ESRRG: variants seen among roughly 807,000 people sequenced by gnomAD.
The protein encoded by ESRRG is estrogen-related receptor gamma.
ESRRG carries 13 observed loss-of-function variants against 44.0 expected under a neutral mutation model. The observed-to-expected ratio is 0.30, with a 90% CI of 0.19 to 0.47. The LOEUF is 0.47. Among genes scored for constraint, ESRRG ranks in the 20% least tolerant of loss-of-function variants. ESRRG has a pLI of 1.00. For missense variants in ESRRG, 395 were observed against 580.6 expected, an observed-to-expected ratio of 0.68 and a Z score of 3.29; for synonymous variants, 215 against 214.6, an observed-to-expected ratio of 1.00 and a Z score of -0.02.
At chr1:216,718,991 C>T (rs1413555666) in intron 1 of ESRRG, among the ~76,000 whole-genome samples, 1 of 152,012 alleles carries the variant, frequency 6.6e-6, no homozygotes, top group Non-Finnish European at 1.5e-5. Context: ...AAGTATCTCT[C>T]ATCAGCATAT....
rs372688209 is a variant in ESRRG at position 216,619,537 on chromosome 1, G to T, written c.589+31436C>A. On this transcript the variant is annotated intron_variant, in intron 3 of 6. Transcript: ENST00000408911. ...TATGGCAGCCGTAAGAGCTTTCCAG[G>T]AAGGGCAGTATTTTTTTCTCTTCGA... Among the ~76,000 whole-genome samples the T allele has an allele frequency of 1.7e-4, 26 of 152,262 alleles. 1 individual carries two copies. The East Asian group carries it at 2.5e-3, about 15-fold the overall frequency.
At chr1:216,642,788 AGACT>A (rs948327992) in intron 3 of ESRRG, among the ~76,000 whole-genome samples, 1 of 152,182 alleles carries the variant, frequency 6.6e-6, no homozygotes, top group African/African-American at 2.4e-5. Flanking sequence ...TAATGATACT[AGACT>A]TGAGGAAAAA....
chr1:216,644,601 T>C (rs1271308880), intron 3 of ESRRG, among the ~76,000 whole-genome samples: 2 of 151,774 alleles, frequency 1.3e-5, no homozygotes, highest in African/African-American at 4.8e-5. Flanking sequence ...GTTAATTTTT[T>C]ACTTTTTATT....
intron 1 of ESRRG, among the ~76,000 whole-genome samples, chr1:217,082,761 T>C (rs116266358): frequency 0.017 from 2,548 of 152,220 alleles, 74 homozygotes; most frequent in African/African-American, 0.058. Flanking sequence ...ATAGCTTTTT[T>C]TCTATCTCCA....
chr1:216,561,362 A>G (rs1314373654), intron 5 of ESRRG, among the ~76,000 whole-genome samples: 1 of 152,180 alleles, frequency 6.6e-6, no homozygotes. Context: ...AGTGTATTAA[A>G]AAATGACTTC....
intron 2 of ESRRG, among the ~76,000 whole-genome samples, chr1:216,655,043 A>G (rs1016595534): frequency 7.2e-5 from 11 of 152,142 alleles, no homozygotes; most frequent in African/African-American, 2.7e-4. Context: ...AAATAATGAT[A>G]TGAGAGTTTT....
At chr1:216,617,277 G>A (rs2061546277) in intron 3 of ESRRG, among the ~76,000 whole-genome samples, 1 of 152,018 alleles carries the variant, frequency 6.6e-6, no homozygotes, top group Non-Finnish European at 1.5e-5. Flanking sequence ...AAAGAATCGT[G>A]GCTGAAGGTT....
chr1:217,137,409 G>A (rs1001924981), intron 1 of ESRRG, among the ~76,000 whole-genome samples: 3 of 152,188 alleles, frequency 2.0e-5, no homozygotes, highest in Non-Finnish European at 4.4e-5. Context: ...CTCCCCCTGC[G>A]GGGTGTGCCC....
chr1:216,902,856 T>C (rs954873822), intron 2 of ESRRG, among the ~76,000 whole-genome samples: 6 of 152,128 alleles, frequency 3.9e-5, no homozygotes, highest in African/African-American at 1.4e-4. Flanking sequence ...TTAGTGGCAG[T>C]TCTTTACTGT....
intron 2 of ESRRG, among the ~76,000 whole-genome samples, chr1:216,846,449 C>T (rs2148929971): frequency 6.6e-6 from 1 of 152,204 alleles, no homozygotes; most frequent in East Asian, 1.9e-4. Context: ...GCCATATGGT[C>T]TCTGTTTCAA....
At chr1:216,698,557 C>T (rs974837924) in intron 1 of ESRRG, among the ~76,000 whole-genome samples, 3 of 151,372 alleles carry the variant, frequency 2.0e-5, no homozygotes, top group Non-Finnish European at 4.4e-5. Flanking sequence ...AAGTTTCCTC[C>T]TGGAGCACAT....
intron 3 of ESRRG, among the ~76,000 whole-genome samples, chr1:216,645,148 C>T (rs2067260889): frequency 1.3e-5 from 2 of 152,090 alleles, no homozygotes; most frequent in Admixed American, 6.6e-5. Flanking sequence ...CTATTAATTG[C>T]TCTACTGTGC....
chr1:216,802,199 G>A (rs936139423), intron 2 of ESRRG, among the ~76,000 whole-genome samples: 11 of 152,086 alleles, frequency 7.2e-5, no homozygotes, highest in Admixed American at 6.6e-5. Flanking sequence ...TCTGTTTGAG[G>A]AAGTGTGGAA....
At chr1:216,528,810 C>T (rs2048433413) in intron 5 of ESRRG, among the ~76,000 whole-genome samples, 1 of 151,990 alleles carries the variant, frequency 6.6e-6, no homozygotes. Flanking sequence ...GGAGACAAGG[C>T]AATAAAAATG....
At chr1:216,723,186 C>G in intron 1 of ESRRG, 58 bp downstream of exon 1, 2 of 1,396,318 alleles carry the variant, frequency 1.4e-6, no homozygotes, top group Non-Finnish European at 2.0e-6. Flanking sequence ...ATAGTCTGTC[C>G]GCCCCCACCC....
At chr1:216,926,492 C>A (rs1293883448) in intron 2 of ESRRG, among the ~76,000 whole-genome samples, 4 of 151,562 alleles carry the variant, frequency 2.6e-5, no homozygotes, top group Non-Finnish European at 5.9e-5. Flanking sequence ...AGTCCAAAGA[C>A]CAAATGGTTT....
intron 1 of ESRRG, among the ~76,000 whole-genome samples, chr1:217,127,302 G>A (rs1483538524): frequency 1.3e-5 from 2 of 152,138 alleles, no homozygotes; most frequent in East Asian, 1.9e-4. Context: ...TTTCATGCCT[G>A]TGTCTTATGT....
chr1:216,925,643 C>T (rs1047459527), intron 2 of ESRRG, among the ~76,000 whole-genome samples: 5 of 151,892 alleles, frequency 3.3e-5, no homozygotes, highest in African/African-American at 1.2e-4. Flanking sequence ...CCTTCTTTTC[C>T]TGGTTTATTC....
chr1:216,783,135 A>G (rs1369749662), intron 2 of ESRRG, among the ~76,000 whole-genome samples: 1 of 152,032 alleles, frequency 6.6e-6, no homozygotes, highest in Non-Finnish European at 1.5e-5. Flanking sequence ...GATGATCCAT[A>G]TAATTTGAAA....
Sources: allele counts gnomAD v4.1 joint callset (sites outside exome capture counted in the v4.1 genomes callset), GRCh38; gene constraint gnomAD v4.1.1; transcripts MANE v1.5; gene names NCBI Gene and HGNC (gene_info 2026-07-23, HGNC 2026-07-21).